Variants in USP9X observed in about 807,000 individuals in gnomAD.
USP9X encodes the protein ubiquitin carboxyl-terminal hydrolase 9X.
In USP9X, 7 loss-of-function variants were observed where a neutral mutation model predicts 190.3. That is an observed-to-expected ratio of 0.04 (90% confidence interval 0.02 to 0.07). The LOEUF is 0.07. USP9X is among the 10% of genes least tolerant of loss of function. The probability of loss-of-function intolerance (pLI) is 1.00; values close to 1 mark genes in which losing one functional copy is unlikely to be tolerated. For missense variants in USP9X, 1,010 were observed against 1,916.9 expected (o/e 0.53, Z 8.83); for synonymous variants, 645 against 659.5 (o/e 0.98, Z 0.34).
intron 3 of USP9X, among the ~76,000 whole-genome samples, chrX:41,131,224 C>T (rs1286371916): frequency 9.0e-6 from 1 of 111,287 alleles, no homozygotes; most frequent in Non-Finnish European, 1.9e-5. Flanking sequence ...TAGTTTTCTT[C>T]CCTCTCTTAT....
At chrX:41,086,958 TAGA>T (rs1316084180) in intron 1 of USP9X, among the ~76,000 whole-genome samples, 5 of 112,737 alleles carry the variant, frequency 4.4e-5, no homozygotes, top group Non-Finnish European at 9.4e-5. Flanking sequence ...AGCAGGTGTG[TAGA>T]TGGCTTCTTA....
intron 43 of USP9X, 88 bp from the exon 44 acceptor site, chrX:41,230,413 A>G (rs1443324074): frequency 1.1e-6 from 1 of 915,751 alleles, no homozygotes. Context: ...AGTTTTGTAG[A>G]TTTTTAAAAT....
At chrX:41,119,689 G>A (rs1192141227) in intron 1 of USP9X, among the ~76,000 whole-genome samples, 1 of 112,520 alleles carries the variant, frequency 8.9e-6, no homozygotes, top group South Asian at 3.6e-4. Flanking sequence ...TATTAGCCAG[G>A]TGTGGCAGCA....
At chrX:41,151,718 C>T (rs747170780) in intron 13 of USP9X, among the ~76,000 whole-genome samples, 3 of 112,724 alleles carry the variant, frequency 2.7e-5, no homozygotes, top group African/African-American at 6.4e-5. Context: ...CGGTGGCTCA[C>T]GCCTATAATC....
At chrX:41,187,886 C>T in intron 24 of USP9X, 106 bp from the exon 25 acceptor site, 1 of 520,630 alleles carries the variant, frequency 1.9e-6, no homozygotes, top group Non-Finnish European at 2.8e-6. Context: ...AACAATGGTA[C>T]TACACAGTAA....
intron 21 of USP9X, among the ~76,000 whole-genome samples, chrX:41,181,262 T>G (rs1056710038): frequency 5.0e-5 from 5 of 100,874 alleles, no homozygotes; most frequent in Non-Finnish European, 9.9e-5. Flanking sequence ...TTAAATGCTA[T>G]TTCTCATTTC....
In USP9X at chrX:41,154,232, C is replaced by T. The variant is rs1170151600; in HGVS notation, c.1897+1151C>T. ...GATCTTAGCATTTTAGTCTTAGGTTCCTTCTAAGCAGTGTAATAGAATGAT... is the reference window on the plus strand; with the variant it reads ...GATCTTAGCATTTTAGTCTTAGGTTTCTTCTAAGCAGTGTAATAGAATGAT... On this transcript the variant is annotated intron_variant, in intron 14 of 44. Coordinates refer to ENST00000378308, the MANE Select transcript of USP9X (RefSeq NM_001039591.3). 1.8e-5 allele frequency among the ~76,000 whole-genome samples: 2 copies of T among 111,391 alleles called. 1 individual carries two copies. Among genetic ancestry groups the T allele is most frequent in the African/African-American group, 6.5e-5 (2 of 30,628 alleles).
intron 18 of USP9X, among the ~76,000 whole-genome samples, chrX:41,168,941 CT>C (rs1388371811): frequency 9.0e-6 from 1 of 111,154 alleles, no homozygotes; most frequent in East Asian, 2.8e-4. Flanking sequence ...TATACAGTTG[CT>C]TCTTGAATAT....
intron 1 of USP9X, among the ~76,000 whole-genome samples, chrX:41,117,185 T>TA: frequency 8.9e-6 from 1 of 111,893 alleles, no homozygotes; most frequent in East Asian, 2.8e-4. Flanking sequence ...TTGAGTGTCC[T>TA]GTCATAAGCA....
intron 26 of USP9X, among the ~76,000 whole-genome samples, chrX:41,194,189 A>G (rs977687780): frequency 2.7e-5 from 3 of 111,679 alleles, no homozygotes; most frequent in African/African-American, 9.8e-5. Flanking sequence ...TCAGAAACCT[A>G]AGATACCCTC....
chrX:41,135,224 A>G (rs760720368), intron 5 of USP9X, among the ~76,000 whole-genome samples: 7 of 111,312 alleles, frequency 6.3e-5, no homozygotes, highest in Non-Finnish European at 1.1e-4. Flanking sequence ...AAGGGTCAGT[A>G]TAGAGGTAAA....
In USP9X at chrX:41,197,352, C is replaced by CCCCCGGGG; in HGVS notation, c.4234-12_4234-11insCCCCGGGG. 11 of 987,890 alleles carry CCCCCGGGG rather than the reference C, an allele frequency of 1.1e-5. No individual in the cohort carries two copies. The highest frequency in any genetic ancestry group is 4.0e-5 in the East Asian group (1 of 25,155). The allele number at this position is 987,890 out of a possible 1,213,427, so 81.4% of individuals were successfully genotyped here. On this transcript the variant is annotated splice_polypyrimidine_tract_variant and intron_variant, in intron 28 of 44. Coordinates refer to ENST00000378308, the MANE Select transcript of USP9X (RefSeq NM_001039591.3). ...TTCTTCCCCCCCCCACCCCACCCCCCGCCTTTGGCAGGATGATGTTAAAAG... is the reference window on the plus strand; with the variant it reads ...TTCTTCCCCCCCCCACCCCACCCCCCCCCCGGGGGCCTTTGGCAGGATGATGTTAAAAG...
chrX:41,144,657 T>C, intron 11 of USP9X, 31 bp downstream of exon 11: 1 of 1,061,356 alleles, frequency 9.4e-7, no homozygotes. Flanking sequence ...ATATTACCAT[T>C]CTATTTCAAA....
Position 41,218,652 on chromosome X carries a change from T to G in USP9X, c.6435+55T>G. 4.5e-6 allele frequency: 5 copies of G among 1,107,727 alleles called. No homozygotes were observed. The East Asian group carries it at 1.5e-4, about 33-fold the overall frequency. The allele number at this position is 1,107,727 out of a possible 1,213,427, so 91.3% of individuals were successfully genotyped here. A position where few individuals can be genotyped will look rare whatever the true frequency, so the allele number is the denominator to read the frequency against. On this transcript the variant is annotated intron_variant, in intron 37 of 44. Coordinates refer to ENST00000378308, the MANE Select transcript of USP9X (RefSeq NM_001039591.3). The stretch of plus-strand genomic sequence containing the variant: ...GAGATGTTTACAAATAAATTGTGTT[T>G]CCTGGAAGTCGAAGTCACAAGCATA...
intron 9 of USP9X, 92 bp from the exon 10 acceptor site, chrX:41,143,199 A>G: frequency 1.5e-6 from 1 of 666,106 alleles, no homozygotes; most frequent in Non-Finnish European, 2.1e-6. Context: ...ATGTGTTTTG[A>G]ATTTCCTTAT....
chrX:41,187,758 C>T (rs935413213), intron 24 of USP9X, among the ~76,000 whole-genome samples: 1 of 109,748 alleles, frequency 9.1e-6, no homozygotes, highest in African/African-American at 3.3e-5. Context: ...GAGTTCAAGG[C>T]TGTAGTGAGC....
chrX:41,226,629 G>A (rs1230574020), intron 41 of USP9X, among the ~76,000 whole-genome samples: 2 of 112,013 alleles, frequency 1.8e-5, no homozygotes, highest in East Asian at 5.5e-4. Flanking sequence ...TACCATAATA[G>A]ATTTCAAACA....
intron 2 of USP9X, among the ~76,000 whole-genome samples, chrX:41,125,178 C>T (rs1003055661): frequency 3.6e-5 from 4 of 110,502 alleles, no homozygotes; most frequent in Non-Finnish European, 7.6e-5. Flanking sequence ...CTGGTTCAAG[C>T]GATTCTCCTG....
chrX:41,177,185 A>G (rs976972721), intron 21 of USP9X, among the ~76,000 whole-genome samples: 2 of 112,496 alleles, frequency 1.8e-5, no homozygotes, highest in African/African-American at 6.5e-5. Context: ...TAGCATATAC[A>G]GTAATATCAT....
Sources: gnomAD v4.1 joint callset for allele counts (sites outside exome capture counted in the v4.1 genomes callset) on GRCh38, gnomAD v4.1.1 for gene constraint, MANE v1.5 for transcripts, NCBI Gene and HGNC (gene_info 2026-07-23, HGNC 2026-07-21) for gene names.